Variants in THSD4 observed in about 807,000 individuals in gnomAD.
The protein encoded by THSD4 is thrombospondin type-1 domain-containing protein 4.
A neutral mutation model predicts 119.0 loss-of-function variants in THSD4; 69 were observed. The observed-to-expected ratio is 0.58, with a 90% CI of 0.48 to 0.71. The LOEUF is 0.71. Among genes scored for constraint, THSD4 ranks in the 30% least tolerant of loss-of-function variants. The pLI is 0.00. For missense variants in THSD4, 1,393 were observed against 1,391.1 expected (o/e 1.00, Z -0.02); for synonymous variants, 524 against 540.4 (o/e 0.97, Z 0.42).
intron 8 of THSD4, among the ~76,000 whole-genome samples, chr15:71,686,939 G>A (rs561713734): frequency 1.0e-3 from 153 of 152,264 alleles, no homozygotes; most frequent in Admixed American, 2.1e-3. Flanking sequence ...GCAGGGGTCC[G>A]AAAACTGGTT....
At chr15:71,483,206 G>A (rs2047761061) in intron 7 of THSD4, among the ~76,000 whole-genome samples, 1 of 152,174 alleles carries the variant, frequency 6.6e-6, no homozygotes, top group Admixed American at 6.5e-5. Flanking sequence ...AAGTTGGGCT[G>A]ACTACAGGCT....
At chr15:71,444,199 G>T (rs1016508785) in intron 7 of THSD4, among the ~76,000 whole-genome samples, 1 of 152,222 alleles carries the variant, frequency 6.6e-6, no homozygotes, top group Non-Finnish European at 1.5e-5. Context: ...TTTGGGTTGA[G>T]TGTGGACAAA....
chr15:71,377,879 C>CACAG (rs2046164651), intron 6 of THSD4, among the ~76,000 whole-genome samples: 1 of 78,426 alleles, frequency 1.3e-5, no homozygotes, highest in Non-Finnish European at 2.6e-5. Context: ...CACACACACA[C>CACAG]ACACACACAC....
At chr15:71,599,872 C>T (rs1326339204) in intron 7 of THSD4, among the ~76,000 whole-genome samples, 1 of 152,172 alleles carries the variant, frequency 6.6e-6, no homozygotes, top group Non-Finnish European at 1.5e-5. Context: ...CCACAATGCC[C>T]CCCAGTATGG....
chr15:71,442,680 A>G lies in THSD4; in HGVS notation c.1152+30857A>G, dbSNP rs561942424. 6.5e-3 allele frequency among the ~76,000 whole-genome samples: 562 copies of G among 86,068 alleles called. 55 individuals carry two copies. Among genetic ancestry groups the G allele is most frequent in the African/African-American group, 0.019 (404 of 21,560 alleles). The allele number at this position is 86,068 out of a possible 152,430, so 56.5% of individuals were successfully genotyped here. On this transcript the variant is annotated intron_variant, in intron 7 of 17. Coordinates refer to ENST00000261862, the MANE Select transcript of THSD4 (RefSeq NM_024817.3). ...TGTGTGTATATATATATATATATAT[A>G]TATATATATATATATATATATATGA... is the stretch of plus-strand genomic sequence containing the variant.
At chr15:71,203,072 C>T (rs774824097) in intron 3 of THSD4, among the ~76,000 whole-genome samples, 6 of 152,124 alleles carry the variant, frequency 3.9e-5, no homozygotes, top group Non-Finnish European at 8.8e-5. Context: ...GGGAGAGAGC[C>T]TGCTTGATCT....
chr15:71,111,380 A>C, upstream of THSD4: 1 of 1,613,144 alleles, frequency 6.2e-7, no homozygotes, highest in Non-Finnish European at 8.5e-7. Flanking sequence ...AGTCAGCCCC[A>C]GGCAAGGGCA....
chr15:71,629,813 T>C (rs188059976), intron 7 of THSD4, among the ~76,000 whole-genome samples: 19 of 150,570 alleles, frequency 1.3e-4, no homozygotes, highest in Middle Eastern at 3.4e-3. Context: ...TTTTCTATAC[T>C]TTTTTCTCAT....
chr15:71,354,563 G>A (rs1032096622), intron 6 of THSD4, among the ~76,000 whole-genome samples: 2 of 152,148 alleles, frequency 1.3e-5, no homozygotes, highest in African/African-American at 4.8e-5. Context: ...TTTGTTGAAT[G>A]CCCTTTATGT....
At chr15:71,298,407 T>G (rs2044895299) in intron 6 of THSD4, among the ~76,000 whole-genome samples, 1 of 152,146 alleles carries the variant, frequency 6.6e-6, no homozygotes, top group African/African-American at 2.4e-5. Flanking sequence ...AAAGGCCTCC[T>G]TCTGTTATTA....
intron 3 of THSD4, chr15:71,189,082 C>A (rs1270743630): frequency 6.6e-6 from 1 of 152,242 alleles, no homozygotes; most frequent in Non-Finnish European, 1.5e-5. Flanking sequence ...CACCCTAAGC[C>A]AGCTGCTCTT....
chr15:71,493,066 A>G (rs1419286586), intron 7 of THSD4, among the ~76,000 whole-genome samples: 3 of 152,234 alleles, frequency 2.0e-5, no homozygotes, highest in African/African-American at 7.2e-5. Flanking sequence ...CTTCAGAGCC[A>G]TATGGTTGTT....
chr15:71,514,674 A>G (rs533905895), intron 7 of THSD4, among the ~76,000 whole-genome samples: 6 of 152,348 alleles, frequency 3.9e-5, no homozygotes, highest in Non-Finnish European at 7.3e-5. Flanking sequence ...GAAAATATAC[A>G]TAAAAGAAGA....
chr15:71,247,124 C>T (rs2044210626), intron 5 of THSD4, among the ~76,000 whole-genome samples: 1 of 152,122 alleles, frequency 6.6e-6, no homozygotes, highest in African/African-American at 2.4e-5. Context: ...TCTCCAACTC[C>T]TGGCCTCAGG....
chr15:71,350,772 G>A (rs1378908396), intron 6 of THSD4, among the ~76,000 whole-genome samples: 1 of 152,096 alleles, frequency 6.6e-6, no homozygotes, highest in African/African-American at 2.4e-5. Flanking sequence ...AAATAACAGA[G>A]CTGGGAACAA....
At chr15:71,273,389 GGA>G in intron 6 of THSD4, among the ~76,000 whole-genome samples, 2 of 152,252 alleles carry the variant, frequency 1.3e-5, no homozygotes, top group East Asian at 1.9e-4. Flanking sequence ...GGCTGAGGAG[GGA>G]GGGAGTGGGT....
intron 7 of THSD4, among the ~76,000 whole-genome samples, chr15:71,639,700 C>G (rs2050816452): frequency 6.6e-6 from 1 of 152,016 alleles, no homozygotes; most frequent in South Asian, 2.1e-4. Flanking sequence ...AATTGTGAAT[C>G]AACAAAAAAT....
At chr15:71,741,384 T>C (rs1376790167) in intron 11 of THSD4, among the ~76,000 whole-genome samples, 1 of 151,976 alleles carries the variant, frequency 6.6e-6, no homozygotes, top group African/African-American at 2.4e-5. Flanking sequence ...TCCCAGCTAC[T>C]CGGGAGGCTG....
intron 2 of THSD4, among the ~76,000 whole-genome samples, chr15:71,149,557 TTTG>T (rs1182192995): frequency 3.3e-5 from 5 of 152,016 alleles, no homozygotes; most frequent in Admixed American, 3.3e-4. Context: ...CCAGCAAACA[TTTG>T]TTATCTCCAG....
Sources: gnomAD v4.1 joint callset for allele counts (sites outside exome capture counted in the v4.1 genomes callset) on GRCh38, gnomAD v4.1.1 for gene constraint, MANE v1.5 for transcripts, NCBI Gene and HGNC (gene_info 2026-07-23, HGNC 2026-07-21) for gene names.